The following CDH18 variants were observed in gnomAD, a reference collection of about 807,000 sequenced individuals.
CDH18 encodes cadherin-18.
Under a neutral mutation model 67.9 loss-of-function variants are expected in CDH18, and 31 were observed. That is an observed-to-expected ratio of 0.46 (90% CI 0.34 to 0.62). The LOEUF is 0.62. Among genes scored for constraint, CDH18 ranks in the 20% least tolerant of loss-of-function variants. The pLI is 0.01. For missense variants in CDH18, 890 were observed against 975.5 expected (o/e 0.91, Z 1.17); for synonymous variants, 362 against 347.2 (o/e 1.04, Z -0.48).
intron 9 of CDH18, among the ~76,000 whole-genome samples, chr5:19,527,497 A>G (rs1366983429): frequency 1.3e-5 from 2 of 151,614 alleles, no homozygotes; most frequent in East Asian, 1.9e-4. Context: ...ATAATTTGCT[A>G]TAATTTATAT....
At chr5:20,073,650 A>G (rs1438741401) in intron 2 of CDH18, among the ~76,000 whole-genome samples, 3 of 152,082 alleles carry the variant, frequency 2.0e-5, no homozygotes, top group Non-Finnish European at 4.4e-5. Context: ...TATATTTGAG[A>G]CAGTACTACT....
intron 3 of CDH18, among the ~76,000 whole-genome samples, chr5:19,747,800 T>C (rs917062898): frequency 1.3e-5 from 2 of 151,480 alleles, no homozygotes; most frequent in African/African-American, 4.8e-5. Context: ...GGCTTTGATG[T>C]AGAATATTAA....
intron 2 of CDH18, among the ~76,000 whole-genome samples, chr5:19,928,791 G>C (rs1793368787): frequency 6.6e-6 from 1 of 152,016 alleles, no homozygotes; most frequent in African/African-American, 2.4e-5. Flanking sequence ...AAATGCATTG[G>C]CTGCACAGTG....
At chr5:19,890,588 C>A (rs781649536) in intron 2 of CDH18, among the ~76,000 whole-genome samples, 11 of 127,886 alleles carry the variant, frequency 8.6e-5, no homozygotes, top group Non-Finnish European at 1.6e-4. Flanking sequence ...AGCATTAGCC[C>A]AGAACACCAT....
intron 2 of CDH18, among the ~76,000 whole-genome samples, chr5:20,064,904 C>A (rs1387350890): frequency 6.6e-6 from 1 of 151,936 alleles, no homozygotes; most frequent in African/African-American, 2.4e-5. Context: ...AAATATTATT[C>A]TTATATGTTT....
At chr5:20,382,387 CT>C (rs987095589) in intron 1 of CDH18, among the ~76,000 whole-genome samples, 1 of 151,942 alleles carries the variant, frequency 6.6e-6, no homozygotes, top group East Asian at 1.9e-4. Flanking sequence ...GAATGGAAGG[CT>C]TTTTGTTTTT....
chr5:19,858,688 T>C (rs1170754109), intron 2 of CDH18, among the ~76,000 whole-genome samples: 1 of 152,196 alleles, frequency 6.6e-6, no homozygotes, highest in Admixed American at 6.6e-5. Context: ...TATCAATCCA[T>C]GGTTCTTACC....
rs1788058396 is a variant in CDH18 at position 19,885,090 on chromosome 5, T to C, written c.-256-45848A>G. On this transcript the variant is annotated intron_variant, in intron 2 of 12. Transcript: ENST00000382275. Reference sequence around the variant, plus strand: ...TGCTTCCTTTTTCCACTGCCTTCCATATTATGGGCGAAAAATTATTTCAAA... The same window carrying C: ...TGCTTCCTTTTTCCACTGCCTTCCACATTATGGGCGAAAAATTATTTCAAA... Among the ~76,000 whole-genome samples the C allele has an allele frequency of 2.0e-5, 3 of 152,284 alleles. No individual in the cohort carries two copies. The East Asian group carries it at 5.8e-4, about 29-fold the overall frequency.
Position 20,003,742 on chromosome 5 carries a change from C to A in CDH18, c.-517-11728G>T, listed in dbSNP as rs185992068. On this transcript the variant is annotated intron_variant, in intron 2 of 14. Coordinates refer to the CDH18 transcript ENST00000507958. Reference sequence around the variant, plus strand: ...CCCGTCTCTACTAAAAACACACACACAAAAAATTAGCCGGGCGTGGTGGCG... The same window carrying A: ...CCCGTCTCTACTAAAAACACACACAAAAAAAATTAGCCGGGCGTGGTGGCG... Among the ~76,000 whole-genome samples, 1,254 of 151,938 alleles carry A rather than the reference C, an allele frequency of 8.3e-3. 7 individuals carry two copies. The highest frequency in any genetic ancestry group is 0.012 in the Non-Finnish European group (822 of 67,904).
At chr5:20,504,828 C>T (rs1266615485) in intron 1 of CDH18, among the ~76,000 whole-genome samples, 2 of 131,564 alleles carry the variant, frequency 1.5e-5, no homozygotes, top group South Asian at 2.4e-4. Context: ...AGTGCAGTGG[C>T]GCTATCTCAG....
chr5:20,316,476 G>A (rs1340940729), intron 1 of CDH18, among the ~76,000 whole-genome samples: 3 of 151,992 alleles, frequency 2.0e-5, no homozygotes, highest in Non-Finnish European at 4.4e-5. Context: ...ATTCTACATT[G>A]CACAATACAC....
intron 2 of CDH18, among the ~76,000 whole-genome samples, chr5:19,961,820 TA>T (rs1480928594): frequency 4.6e-5 from 7 of 152,128 alleles, no homozygotes; most frequent in Non-Finnish European, 1.0e-4. Flanking sequence ...AAGTTTTTAT[TA>T]TGGTCATGTA....
chr5:19,732,350 AG>A (rs1276584662), intron 4 of CDH18, among the ~76,000 whole-genome samples: 2 of 152,036 alleles, frequency 1.3e-5, no homozygotes, highest in Non-Finnish European at 2.9e-5. Context: ...GTTAATCAGA[AG>A]GCTGAGGCAG....
chr5:19,747,232 T>G lies in CDH18; in HGVS notation c.233A>C (p.His78Pro). Residue 78 changes from histidine (H) to proline (P), a missense_variant, in exon 4 of 13, where the codon CAC (histidine) becomes CCC (proline). Physicochemically the swap from His to Pro is moderately conservative, Grantham distance 77 (BLOSUM62 -2). Around this residue, in one of 2 missense-constraint regions of CDH18, gnomAD observed 234 missense variants for 307.4 expected, o/e 0.76. Transcript: ENST00000382275. The stretch of plus-strand genomic sequence containing the variant: ...TCCATCACCTTTGTCAGAATTGGAG[T>G]GCAGCTGTGAAATACACATGGAATA... ...GPDPQYVGKL[H>P]SNSDKGDGSV... 6.2e-7 allele frequency: 1 copy of G among 1,611,898 alleles called. No homozygotes were observed. The highest frequency in any genetic ancestry group is 8.5e-7 in the Non-Finnish European group (1 of 1,178,296).
At chr5:19,723,739 G>A (rs542737189) in intron 4 of CDH18, among the ~76,000 whole-genome samples, 3 of 152,020 alleles carry the variant, frequency 2.0e-5, no homozygotes, top group Non-Finnish European at 2.9e-5. Flanking sequence ...TTGAGACAGA[G>A]TTTTGCTCAT....
intron 1 of CDH18, among the ~76,000 whole-genome samples, chr5:20,453,565 A>G (rs28603127): frequency 2.9e-4 from 24 of 82,362 alleles, no homozygotes; most frequent in Non-Finnish European, 4.3e-4. Flanking sequence ...GTGTGTGTGT[A>G]TATATATATG....
intron 8 of CDH18, 147 bp from the exon 9 acceptor site, chr5:19,544,152 T>C: frequency 4.9e-6 from 2 of 408,592 alleles, no homozygotes; most frequent in Non-Finnish European, 8.7e-6. Context: ...TATATTTTTA[T>C]AGAACTTATA....
rs375067132 is a variant in CDH18, at chr5:20,032,550, T to A, written c.-517-40536A>T. The stretch of plus-strand genomic sequence containing the variant: ...TTTGTTGTGTGAATCTCGAATCTTA[T>A]CATTTTGCTGCCTTATTACTTTTAA... On this transcript the variant is annotated intron_variant, in intron 2 of 14. Coordinates refer to the CDH18 transcript ENST00000507958. Among the ~76,000 whole-genome samples the A allele has an allele frequency of 6.1e-4, 93 of 152,188 alleles. No individual in the cohort carries two copies. The South Asian group carries it at 0.017, about 27-fold the overall frequency.
chr5:20,516,738 G>A (rs1274059099), intron 1 of CDH18, among the ~76,000 whole-genome samples: 3 of 151,822 alleles, frequency 2.0e-5, no homozygotes, highest in Non-Finnish European at 4.4e-5. Flanking sequence ...ACTATGATTT[G>A]TATGACTATT....
Sources: gnomAD v4.1 joint callset for allele counts (sites outside exome capture counted in the v4.1 genomes callset) on GRCh38, gnomAD v4.1.1 for gene constraint, gnomAD v4.1.1 regional missense constraint, MANE v1.5 for transcripts, NCBI Gene and HGNC (gene_info 2026-07-23, HGNC 2026-07-21) for gene names.